MAF: variants seen among roughly 807,000 people sequenced by gnomAD.
MAF encodes transcription factor Maf.
Under a neutral mutation model 22.0 loss-of-function variants are expected in MAF, and 10 were observed. That is an observed-to-expected ratio of 0.45 (90% CI 0.28 to 0.77). The LOEUF is 0.77. Among genes scored for constraint, MAF ranks in the 30% least tolerant of loss-of-function variants. The pLI is 0.12. For synonymous variants in MAF, 337 were observed against 255.8 expected (o/e 1.32, Z -3.03); for missense variants, 544 against 548.4 (o/e 0.99, Z 0.08).
the MAF span, among the ~76,000 whole-genome samples, chr16:79,366,695 G>T: frequency 6.6e-6 from 1 of 152,188 alleles, no homozygotes; most frequent in East Asian, 1.9e-4. Context: ...TGATAACTAG[G>T]AACCTCCCTA....
chr16:79,312,835 C>G, the MAF span, among the ~76,000 whole-genome samples: 3 of 152,144 alleles, frequency 2.0e-5, no homozygotes, highest in Non-Finnish European at 4.4e-5. Context: ...ACATATAAGA[C>G]AGGCACCTTT....
chr16:79,213,657 C>T, the MAF span, among the ~76,000 whole-genome samples: 1 of 152,144 alleles, frequency 6.6e-6, no homozygotes, highest in Admixed American at 6.5e-5. Flanking sequence ...TGATGAGAGA[C>T]ACGTAGTCAC....
chr16:79,302,189 C>G, the MAF span, among the ~76,000 whole-genome samples: 15 of 152,334 alleles, frequency 9.8e-5, no homozygotes, highest in Middle Eastern at 3.4e-3. Flanking sequence ...AAGACCACTG[C>G]TTGGAATGAC....
chr16:79,592,983 C>T (rs937090706), downstream of MAF, among the ~76,000 whole-genome samples: 1 of 152,094 alleles, frequency 6.6e-6, no homozygotes, highest in African/African-American at 2.4e-5. Context: ...GTGTGTTTTA[C>T]CGGCATGGAA....
At chr16:79,574,641 C>T in the MAF span, among the ~76,000 whole-genome samples, 1 of 152,092 alleles carries the variant, frequency 6.6e-6, no homozygotes, top group South Asian at 2.1e-4. Context: ...CTCAGCAGGG[C>T]AATCGGGGGA....
the MAF span, among the ~76,000 whole-genome samples, chr16:79,502,627 C>G: frequency 6.7e-6 from 1 of 148,854 alleles, no homozygotes; most frequent in African/African-American, 2.5e-5. Flanking sequence ...GATTGCACCA[C>G]TGCACTCCAG....
At chr16:79,532,023 A>C in the MAF span, among the ~76,000 whole-genome samples, 3 of 152,230 alleles carry the variant, frequency 2.0e-5, no homozygotes, top group African/African-American at 4.8e-5. Context: ...TACCCAGTCC[A>C]GTTTGAATTT....
chr16:79,471,331 CCT>C, the MAF span, among the ~76,000 whole-genome samples: 3 of 152,194 alleles, frequency 2.0e-5, no homozygotes, highest in Admixed American at 2.0e-4. Context: ...CTCAGCACTC[CCT>C]GTTATTTTTT....
the MAF span, among the ~76,000 whole-genome samples, chr16:79,316,805 C>G: frequency 6.6e-6 from 1 of 152,140 alleles, no homozygotes; most frequent in South Asian, 2.1e-4. Flanking sequence ...AGGTGTTACT[C>G]GCTCCCTTCT....
chr16:79,255,099 A>T, the MAF span, among the ~76,000 whole-genome samples: 3 of 152,160 alleles, frequency 2.0e-5, no homozygotes, highest in African/African-American at 7.2e-5. Flanking sequence ...CTCTCTAAAC[A>T]CACCAAGGGC....
chr16:79,229,688 G>A, the MAF span, among the ~76,000 whole-genome samples: 1 of 131,208 alleles, frequency 7.6e-6, no homozygotes, highest in Non-Finnish European at 1.8e-5. Context: ...GAGCCACGGG[G>A]CTGGCTCCTC....
chr16:79,224,468 C>T, the MAF span, among the ~76,000 whole-genome samples: 1 of 152,188 alleles, frequency 6.6e-6, no homozygotes, highest in Non-Finnish European at 1.5e-5. Context: ...GATGCCCTCT[C>T]TCACTGCTCC....
chr16:79,325,661 G>T, the MAF span, among the ~76,000 whole-genome samples: 4 of 151,902 alleles, frequency 2.6e-5, no homozygotes, highest in Non-Finnish European at 5.9e-5. Context: ...TTGAGTACTG[G>T]TTAAAAACTA....
At chr16:79,452,906 G>A in the MAF span, among the ~76,000 whole-genome samples, 1 of 152,192 alleles carries the variant, frequency 6.6e-6, no homozygotes, top group Admixed American at 6.5e-5. Context: ...TTGGAGGAGA[G>A]CCACTCAGGC....
chr16:79,336,999 T>G, the MAF span, among the ~76,000 whole-genome samples: 2 of 152,156 alleles, frequency 1.3e-5, no homozygotes, highest in African/African-American at 2.4e-5. Context: ...GCAGACTACT[T>G]AAATATCCAA....
At chr16:79,541,352 G>C in the MAF span, among the ~76,000 whole-genome samples, 1 of 152,108 alleles carries the variant, frequency 6.6e-6, no homozygotes, top group Non-Finnish European at 1.5e-5. Flanking sequence ...TGTTCGTGCA[G>C]AAAATATTTG....
At chr16:79,292,845 T>C in the MAF span, among the ~76,000 whole-genome samples, 1 of 152,168 alleles carries the variant, frequency 6.6e-6, no homozygotes, top group South Asian at 2.1e-4. Context: ...TTATAATGCA[T>C]TAGCATGCTA....
At chr16:79,570,708 G>A in the MAF span, among the ~76,000 whole-genome samples, 2 of 152,280 alleles carry the variant, frequency 1.3e-5, no homozygotes, top group South Asian at 2.1e-4. Context: ...ATATTCCCAC[G>A]ATGGCCAATT....
chr16:79,407,762 CA>C, the MAF span, among the ~76,000 whole-genome samples: 1 of 152,060 alleles, frequency 6.6e-6, no homozygotes, highest in Non-Finnish European at 1.5e-5. Context: ...CGTCCTGACA[CA>C]AGTTGAATTT....
Sources: gnomAD v4.1 joint callset for allele counts (sites outside exome capture counted in the v4.1 genomes callset) on GRCh38, gnomAD v4.1.1 for gene constraint, MANE v1.5 for transcripts, NCBI Gene and HGNC (gene_info 2026-07-23, HGNC 2026-07-21) for gene names.